The following OPA3 variants were observed in gnomAD, a reference collection of about 807,000 sequenced individuals.
OPA3 encodes optic atrophy 3 protein.
Under a neutral mutation model 4.0 loss-of-function variants are expected in OPA3, and 6 were observed. That is an observed-to-expected ratio of 1.51 (90% CI 0.83 to 2.99). The LOEUF is 2.99. Among genes scored for constraint, OPA3 ranks in the 30% most tolerant of loss-of-function variants. OPA3 has a pLI of 0.00. For synonymous variants in OPA3, 105 were observed against 117.1 expected (o/e 0.90, Z 0.67); for missense variants, 235 against 256.2 (o/e 0.92, Z 0.56).
At chr19:45,576,714 C>T (rs1483505938) in intron 1 of OPA3, among the ~76,000 whole-genome samples, 1 of 152,114 alleles carries the variant, frequency 6.6e-6, no homozygotes, top group Non-Finnish European at 1.5e-5. Flanking sequence ...TCTTCAAGGC[C>T]AGCGGGGCAG....
chr19:45,568,873 G>C (rs905736905), intron 1 of OPA3, among the ~76,000 whole-genome samples: 2 of 152,128 alleles, frequency 1.3e-5, no homozygotes, highest in Admixed American at 6.6e-5. Context: ...ACCCCTCTGT[G>C]CCCTGGGGTC....
intron 1 of OPA3, among the ~76,000 whole-genome samples, chr19:45,579,729 A>G (rs1167091923): frequency 6.6e-6 from 1 of 152,130 alleles, no homozygotes; most frequent in Non-Finnish European, 1.5e-5. Flanking sequence ...ATGCATACAT[A>G]GTATATACAC....
downstream of OPA3, among the ~76,000 whole-genome samples, chr19:45,543,325 A>AT (rs774511385): frequency 1.6e-3 from 222 of 135,626 alleles, no homozygotes; most frequent in Middle Eastern, 4.0e-3. Context: ...TTTATTTTTA[A>AT]TTTTTTTTTT....
chr19:45,537,831 A>T (rs918950622), intron 1 of OPA3, among the ~76,000 whole-genome samples: 1 of 152,144 alleles, frequency 6.6e-6, no homozygotes, highest in African/African-American at 2.4e-5. Context: ...AAACCAAAGC[A>T]AAGAGGACAA....
intron 1 of OPA3, among the ~76,000 whole-genome samples, chr19:45,582,421 A>C (rs1380618680): frequency 1.3e-5 from 2 of 151,934 alleles, no homozygotes; most frequent in Non-Finnish European, 2.9e-5. Context: ...CAGCCTTCCA[A>C]AGTGCTAGGA....
chr19:45,572,097 G>GTA (rs35201042), intron 1 of OPA3, among the ~76,000 whole-genome samples: 37,337 of 141,290 alleles, frequency 0.26, 5,982 homozygotes, highest in Middle Eastern at 0.41. Context: ...TTCATGTGGT[G>GTA]TATATATATA....
intron 1 of OPA3, among the ~76,000 whole-genome samples, chr19:45,578,521 G>A (rs1356422328): frequency 6.6e-6 from 1 of 150,418 alleles, no homozygotes; most frequent in African/African-American, 2.4e-5. Context: ...CACCCACCAA[G>A]TTATCCTTAA....
chr19:45,551,771 G>A lies in OPA3; in HGVS notation c.*1743C>T. On this transcript the variant is annotated 3_prime_UTR_variant, in exon 2 of 2. Transcript: ENST00000263275. ...GGGGCTATGGAGGCAGGAGGGTACT[G>A]CTACATGAAGACAGGCTGTCGGGTC... The A allele has an allele frequency of 2.0e-6, 2 of 985,522 alleles. No individual in the cohort carries two copies. The highest frequency in any genetic ancestry group is 2.4e-6 in the Non-Finnish European group (2 of 829,994). 61.0% of individuals were successfully genotyped at this position (985,522 alleles called of 1,614,324 possible).
intron 1 of OPA3, among the ~76,000 whole-genome samples, chr19:45,579,022 C>G (rs1391205898): frequency 6.6e-6 from 1 of 151,956 alleles, no homozygotes; most frequent in African/African-American, 2.4e-5. Flanking sequence ...TGCCTCAGGT[C>G]CTGTGTGCAT....
At chr19:45,534,455 C>T (rs566141340) in intron 1 of OPA3, among the ~76,000 whole-genome samples, 10 of 145,782 alleles carry the variant, frequency 6.9e-5, no homozygotes, top group Non-Finnish European at 1.2e-4. Flanking sequence ...CCAGTACTTT[C>T]GAGGCTGAAG....
chr19:45,577,827 G>A (rs1457211697), intron 1 of OPA3, among the ~76,000 whole-genome samples: 1 of 152,108 alleles, frequency 6.6e-6, no homozygotes, highest in Non-Finnish European at 1.5e-5. Flanking sequence ...GCAATCAGGA[G>A]ACTCCAGACA....
chr19:45,564,351 C>T (rs947148145), intron 1 of OPA3, among the ~76,000 whole-genome samples: 5 of 152,060 alleles, frequency 3.3e-5, no homozygotes, highest in African/African-American at 1.2e-4. Context: ...TGACAAGAAG[C>T]AGAAGGAACT....
intron 1 of OPA3, among the ~76,000 whole-genome samples, chr19:45,577,637 T>C (rs981765180): frequency 3.3e-5 from 5 of 152,164 alleles, no homozygotes; most frequent in Non-Finnish European, 5.9e-5. Flanking sequence ...TGGTTATTCA[T>C]TACTAAGAGG....
intron 1 of OPA3, among the ~76,000 whole-genome samples, chr19:45,572,928 G>C (rs1185314455): frequency 1.3e-5 from 2 of 150,336 alleles, no homozygotes; most frequent in East Asian, 3.9e-4. Flanking sequence ...AGAGAGCACA[G>C]GCAGGAAGAG....
chr19:45,554,995 T>C (rs924802516), intron 1 of OPA3, among the ~76,000 whole-genome samples: 1 of 152,128 alleles, frequency 6.6e-6, no homozygotes, highest in African/African-American at 2.4e-5. Context: ...TTTCACCACG[T>C]TGGCCAGGCT....
intron 1 of OPA3, among the ~76,000 whole-genome samples, chr19:45,530,479 A>AT (rs1019170241): frequency 6.6e-6 from 1 of 151,006 alleles, no homozygotes; most frequent in Non-Finnish European, 1.5e-5. Flanking sequence ...AGTGGTTTTT[A>AT]TTTTTTTACT....
intron 1 of OPA3, among the ~76,000 whole-genome samples, chr19:45,569,207 C>T (rs918816979): frequency 6.6e-6 from 1 of 152,172 alleles, no homozygotes; most frequent in Non-Finnish European, 1.5e-5. Context: ...GCCTGTAATC[C>T]CAGCACTTTG....
intron 1 of OPA3, among the ~76,000 whole-genome samples, chr19:45,558,500 T>C (rs1969453768): frequency 6.6e-6 from 1 of 152,134 alleles, no homozygotes. Flanking sequence ...GCCAGCCTGT[T>C]TTCCCCTAGC....
chr19:45,563,300 C>G (rs1969532501), intron 1 of OPA3, among the ~76,000 whole-genome samples: 1 of 152,162 alleles, frequency 6.6e-6, no homozygotes, highest in Non-Finnish European at 1.5e-5. Flanking sequence ...GCTGGGACTA[C>G]AGGCGCCCGC....
Sources: allele counts gnomAD v4.1 joint callset (sites outside exome capture counted in the v4.1 genomes callset), GRCh38; gene constraint gnomAD v4.1.1; transcripts MANE v1.5; gene names NCBI Gene and HGNC (gene_info 2026-07-23, HGNC 2026-07-21).